Variants in GPC6 observed in about 807,000 individuals in gnomAD.
The protein encoded by GPC6 is glypican-6.
In GPC6, 14 loss-of-function variants were observed where a neutral mutation model predicts 55.2. The ratio of observed to expected loss-of-function variants is 0.25; its 90% CI spans 0.17 to 0.40. GPC6 has a LOEUF of 0.40. Among genes scored for constraint, GPC6 ranks in the 10% least tolerant of loss-of-function variants. GPC6 has a pLI of 1.00. For missense variants in GPC6, 641 were observed against 708.5 expected (o/e 0.90, Z 1.08); for synonymous variants, 278 against 259.6 (o/e 1.07, Z -0.68).
chr13:93,538,420 G>A (rs182169301), intron 1 of GPC6, among the ~76,000 whole-genome samples: 1 of 152,244 alleles, frequency 6.6e-6, no homozygotes, highest in Non-Finnish European at 1.5e-5. Flanking sequence ...AAGAAACCTA[G>A]AGAGATGAGG....
intron 2 of GPC6, among the ~76,000 whole-genome samples, chr13:93,720,929 G>C (rs755822320): frequency 1.3e-5 from 2 of 151,978 alleles, no homozygotes; most frequent in Non-Finnish European, 2.9e-5. Context: ...TGGTCTGAGA[G>C]ACTGTTATGA....
chr13:94,124,653 G>C (rs1886745715), intron 4 of GPC6, among the ~76,000 whole-genome samples: 1 of 152,024 alleles, frequency 6.6e-6, no homozygotes, highest in Non-Finnish European at 1.5e-5. Context: ...GAGGTACACT[G>C]GGAATGCCCT....
intron 1 of GPC6, among the ~76,000 whole-genome samples, chr13:93,353,719 AT>A (rs2139167308): frequency 6.6e-6 from 1 of 152,266 alleles, no homozygotes; most frequent in South Asian, 2.1e-4. Flanking sequence ...TTTGCTCGTG[AT>A]TACTCACCTA....
At chr13:93,749,263 A>G (rs1437741661) in intron 2 of GPC6, among the ~76,000 whole-genome samples, 1 of 151,854 alleles carries the variant, frequency 6.6e-6, no homozygotes, top group Non-Finnish European at 1.5e-5. Context: ...TGTAGTTCAT[A>G]TTTTCCAACC....
intron 1 of GPC6, among the ~76,000 whole-genome samples, chr13:93,532,677 A>G (rs1016109351): frequency 4.6e-5 from 7 of 152,096 alleles, no homozygotes; most frequent in East Asian, 1.9e-4. Flanking sequence ...ACCTTCTTCT[A>G]TGCTCATCCT....
intron 2 of GPC6, among the ~76,000 whole-genome samples, chr13:93,768,497 A>G (rs1369692585): frequency 6.6e-6 from 1 of 152,176 alleles, no homozygotes; most frequent in East Asian, 1.9e-4. Flanking sequence ...TAACCCTGAC[A>G]CATACCGGCC....
chr13:94,341,781 T>C (rs1166778102), intron 6 of GPC6, among the ~76,000 whole-genome samples: 3 of 152,344 alleles, frequency 2.0e-5, no homozygotes, highest in South Asian at 2.1e-4. Flanking sequence ...CAGTGACATA[T>C]GATTTCCCCG....
chr13:93,995,204 T>C (rs932081555), intron 3 of GPC6, among the ~76,000 whole-genome samples: 20 of 150,250 alleles, frequency 1.3e-4, no homozygotes, highest in Non-Finnish European at 2.1e-4. Context: ...TTTTATTTTT[T>C]TGAGACTGAG....
At chr13:93,372,455 A>G (rs1279137039) in intron 1 of GPC6, among the ~76,000 whole-genome samples, 1 of 152,202 alleles carries the variant, frequency 6.6e-6, no homozygotes, top group Non-Finnish European at 1.5e-5. Context: ...TTATTGATAC[A>G]TAGGTGTCAG....
intron 4 of GPC6, among the ~76,000 whole-genome samples, chr13:94,253,834 T>C (rs1466070191): frequency 6.6e-6 from 1 of 152,150 alleles, no homozygotes; most frequent in Non-Finnish European, 1.5e-5. Flanking sequence ...CCTTCCTGTT[T>C]GTGACAGTAA....
rs982072739 is a variant in GPC6, at chr13:94,204,938, C to T, written c.878-81411C>T. 2.6e-5 allele frequency among the ~76,000 whole-genome samples: 4 copies of T among 152,052 alleles called. No homozygotes were observed. In the South Asian group the frequency reaches 8.3e-4, roughly 32 times the overall value. On this transcript the variant is annotated intron_variant, in intron 4 of 8. Transcript: ENST00000377047. ...AACATAACTTAATAAACTAAGAACA[C>T]AAAAGGTATAAATTAAAAATTCAAA...
At chr13:93,841,982 T>A (rs550095745) in intron 3 of GPC6, among the ~76,000 whole-genome samples, 47 of 152,284 alleles carry the variant, frequency 3.1e-4, no homozygotes, top group Non-Finnish European at 6.3e-4. Context: ...TAGGTACAAA[T>A]ACAAGTCTTT....
At chr13:94,340,042 C>G (rs1291559162) in intron 6 of GPC6, among the ~76,000 whole-genome samples, 1 of 152,148 alleles carries the variant, frequency 6.6e-6, no homozygotes, top group African/African-American at 2.4e-5. Flanking sequence ...GGATTACAGG[C>G]TTGAGCCAGC....
intron 2 of GPC6, among the ~76,000 whole-genome samples, chr13:93,725,882 C>G (rs1413009025): frequency 6.6e-6 from 1 of 151,928 alleles, no homozygotes; most frequent in Non-Finnish European, 1.5e-5. Context: ...TATTTTGTCT[C>G]TTTAGATAAT....
intron 2 of GPC6, among the ~76,000 whole-genome samples, chr13:93,739,531 G>A (rs896081904): frequency 1.1e-4 from 16 of 151,618 alleles, no homozygotes; most frequent in African/African-American, 3.6e-4. Context: ...CCGGGTTCGC[G>A]CCATTCTCCT....
At chr13:93,864,591 A>T (rs1888906006) in intron 3 of GPC6, among the ~76,000 whole-genome samples, 1 of 151,738 alleles carries the variant, frequency 6.6e-6, no homozygotes, top group South Asian at 2.1e-4. Flanking sequence ...ACAGGGCAGT[A>T]ATAAAAGCTA....
intron 5 of GPC6, among the ~76,000 whole-genome samples, chr13:94,291,319 G>T (rs1202894395): frequency 6.6e-6 from 1 of 152,176 alleles, no homozygotes; most frequent in Non-Finnish European, 1.5e-5. Flanking sequence ...GTCTGGTACG[G>T]CTGGTACAGA....
chr13:93,695,951 G>T (rs958584733), intron 2 of GPC6, among the ~76,000 whole-genome samples: 1 of 152,014 alleles, frequency 6.6e-6, no homozygotes, highest in Non-Finnish European at 1.5e-5. Flanking sequence ...GTATCATCCA[G>T]ATTTTATAAG....
intron 6 of GPC6, among the ~76,000 whole-genome samples, chr13:94,361,454 T>G (rs1879056612): frequency 6.6e-6 from 1 of 152,254 alleles, no homozygotes; most frequent in Non-Finnish European, 1.5e-5. Context: ...GTTTCTAACT[T>G]GGTTTTATAA....
Sources: allele counts gnomAD v4.1 joint callset (sites outside exome capture counted in the v4.1 genomes callset), GRCh38; gene constraint gnomAD v4.1.1; transcripts MANE v1.5; gene names NCBI Gene and HGNC (gene_info 2026-07-23, HGNC 2026-07-21).